The following SCARA5 variants were observed in gnomAD, a reference collection of about 807,000 sequenced individuals.
The protein encoded by SCARA5 is scavenger receptor class A, member 5 (putative).
In SCARA5, 45 loss-of-function variants were observed where a neutral mutation model predicts 46.3. That is an observed-to-expected ratio of 0.97 (90% confidence interval 0.76 to 1.24). The LOEUF (loss-of-function observed/expected upper bound fraction) is 1.24. Among genes scored for constraint, SCARA5 ranks in the 50% most tolerant of loss-of-function variants. SCARA5 has a pLI of 0.00. For missense variants in SCARA5, 680 were observed against 689.0 expected (o/e 0.99, Z 0.15); for synonymous variants, 333 against 306.5 (o/e 1.09, Z -0.90).
intron 3 of SCARA5, among the ~76,000 whole-genome samples, chr8:27,951,086 G>C (rs945078026): frequency 1.3e-5 from 2 of 152,186 alleles, no homozygotes; most frequent in African/African-American, 2.4e-5. Context: ...GGTGCTCAAA[G>C]AGGTTTAGAA....
chr8:27,916,613 C>T (rs1416491663), intron 4 of SCARA5, among the ~76,000 whole-genome samples: 1 of 152,170 alleles, frequency 6.6e-6, no homozygotes, highest in African/African-American at 2.4e-5. Flanking sequence ...TTCTAGTGAC[C>T]TAGCCCTTGT....
intron 3 of SCARA5, among the ~76,000 whole-genome samples, chr8:27,941,632 T>C (rs1331038295): frequency 6.6e-6 from 1 of 151,946 alleles, no homozygotes; most frequent in Non-Finnish European, 1.5e-5. Flanking sequence ...ATCCTTTCCA[T>C]GCACACCCTG....
intron 3 of SCARA5, among the ~76,000 whole-genome samples, chr8:27,942,182 T>C (rs1807957241): frequency 6.6e-6 from 1 of 152,096 alleles, no homozygotes. Context: ...TTTTCCACCA[T>C]TAGCCAGTGA....
chr8:27,907,572 C>CTTTTTTTT (rs144977060), intron 5 of SCARA5, among the ~76,000 whole-genome samples: 3 of 97,276 alleles, frequency 3.1e-5, no homozygotes, highest in African/African-American at 7.9e-5. Context: ...TCAGCAAACA[C>CTTTTTTTT]TTTTTTTTTT....
intron 7 of SCARA5, among the ~76,000 whole-genome samples, chr8:27,885,825 A>G (rs933108089): frequency 6.6e-6 from 1 of 152,240 alleles, no homozygotes; most frequent in African/African-American, 2.4e-5. Flanking sequence ...TGCAATGGGA[A>G]GTCTGGAAAA....
chr8:27,929,357 T>G (rs964543525), intron 3 of SCARA5, among the ~76,000 whole-genome samples: 1 of 151,858 alleles, frequency 6.6e-6, no homozygotes, highest in Non-Finnish European at 1.5e-5. Context: ...ATAGGCTGCC[T>G]TCCCCCAATA....
At chr8:27,877,209 C>G (rs1806738989) in intron 8 of SCARA5, among the ~76,000 whole-genome samples, 1 of 152,182 alleles carries the variant, frequency 6.6e-6, no homozygotes, top group Admixed American at 6.5e-5. Flanking sequence ...CAGGCCCCTA[C>G]AGCCCTCTGT....
intron 6 of SCARA5, among the ~76,000 whole-genome samples, chr8:27,905,167 G>T (rs1267063793): frequency 3.9e-5 from 6 of 152,080 alleles, no homozygotes; most frequent in African/African-American, 1.4e-4. Flanking sequence ...GTTCTAATGA[G>T]CCCAGGGGAA....
At chr8:27,980,105 T>C (rs1450666781) in intron 2 of SCARA5, among the ~76,000 whole-genome samples, 1 of 152,116 alleles carries the variant, frequency 6.6e-6, no homozygotes, top group Non-Finnish European at 1.5e-5. Flanking sequence ...GCTAGAGCGA[T>C]GGTAAATTGC....
chr8:27,891,618 C>G (rs1335336157), intron 7 of SCARA5, among the ~76,000 whole-genome samples: 1 of 152,202 alleles, frequency 6.6e-6, no homozygotes, highest in Non-Finnish European at 1.5e-5. Context: ...TATGTTCCAG[C>G]CAACACCTGA....
intron 5 of SCARA5, among the ~76,000 whole-genome samples, chr8:27,908,355 G>A (rs1430695698): frequency 2.0e-5 from 3 of 152,324 alleles, no homozygotes; most frequent in Non-Finnish European, 2.9e-5. Flanking sequence ...CGGTGCCGGC[G>A]CCATGCAGAG....
At chr8:27,916,735 G>A (rs1031144817) in intron 4 of SCARA5, among the ~76,000 whole-genome samples, 1 of 152,198 alleles carries the variant, frequency 6.6e-6, no homozygotes, top group Non-Finnish European at 1.5e-5. Context: ...AACAGAGACA[G>A]GGAGGCAGGA....
At chr8:27,978,024 G>GTTTT (rs11357387) in intron 2 of SCARA5, among the ~76,000 whole-genome samples, 6 of 106,630 alleles carry the variant, frequency 5.6e-5, no homozygotes, top group Non-Finnish European at 7.6e-5. Flanking sequence ...TGTGTCTTTT[G>GTTTT]TTTTTTTTTT....
chr8:27,968,561 G>A (rs1197892019), intron 2 of SCARA5, among the ~76,000 whole-genome samples: 1 of 152,140 alleles, frequency 6.6e-6, no homozygotes, highest in Non-Finnish European at 1.5e-5. Context: ...TAGCTGTCTG[G>A]TTGCAACTTA....
intron 7 of SCARA5, among the ~76,000 whole-genome samples, chr8:27,880,821 C>CTGGA (rs1022032737): frequency 7.4e-6 from 1 of 134,628 alleles, no homozygotes; most frequent in African/African-American, 2.7e-5. Context: ...TGCCACTGCA[C>CTGGA]TCCAGCATGC....
chr8:27,921,625 G>C lies in SCARA5; in HGVS notation c.862C>G (p.Arg288Gly). ...AMLNAVTEDL[R>G]LKDWEHSIAL... Reference sequence around the variant, plus strand: ...ATGGAGTGCTCCCAGTCCTTGAGGCGCAGGTCCTCGGTGACCGCGTTGAGC... The same window carrying C: ...ATGGAGTGCTCCCAGTCCTTGAGGCCCAGGTCCTCGGTGACCGCGTTGAGC... Residue 288 changes from arginine to glycine, a missense_variant, in exon 4 of 9, where the codon CGC becomes GGC. Around this residue, in one of 3 missense-constraint regions of SCARA5, gnomAD observed 438 missense variants for 384.5 expected, o/e 1.14. Transcript: ENST00000354914. The C allele has an allele frequency of 6.3e-7, 1 of 1,597,582 alleles. No homozygotes were observed. Among genetic ancestry groups the C allele is most frequent in the Non-Finnish European group, 8.5e-7 (1 of 1,170,666 alleles).
chr8:27,966,454 C>T lies in SCARA5; in HGVS notation c.201G>A (p.Leu67=), dbSNP rs1248787547. The change falls in exon 3 of 9, where the codon CTG becomes CTA. Residue 67 remains leucine (L), a synonymous_variant. Coordinates refer to ENST00000354914, the MANE Select transcript of SCARA5 (RefSeq NM_173833.6). ...ALKHAVLGLY[L]LVFLILVGIF... ...TGCCCACAAGAATCAGGAAGACCAG[C>T]AGGTAGAGCCCCAGGACAGCATGCT... 1 of 1,613,462 alleles carries T rather than the reference C, an allele frequency of 6.2e-7. No homozygotes were observed. Among genetic ancestry groups the T allele is most frequent in the Non-Finnish European group, 8.5e-7 (1 of 1,179,776 alleles).
chr8:27,947,092 A>G (rs1447334480), intron 3 of SCARA5, among the ~76,000 whole-genome samples: 1 of 150,456 alleles, frequency 6.6e-6, no homozygotes, highest in Non-Finnish European at 1.5e-5. Flanking sequence ...GATCACTGCA[A>G]CCTCTGCCTC....
rs947332944 is a variant in SCARA5, at chr8:27,966,354, G to A, written c.241+60C>T. The A allele has an allele frequency of 4.0e-6, 6 of 1,515,250 alleles. No individual in the cohort carries two copies. The African/African-American group carries it at 7.0e-5, about 18-fold the overall frequency. The allele number at this position is 1,515,250 out of a possible 1,614,324, so 93.9% of individuals were successfully genotyped here. ...CTCATGACAGTGGGAATGAAGAGTG[G>A]AAGCTCCAGGTCTTCCTTCCTCATC... On this transcript the variant is annotated intron_variant, in intron 3 of 8. Transcript: ENST00000354914.
Sources: gnomAD v4.1 joint callset for allele counts (sites outside exome capture counted in the v4.1 genomes callset) on GRCh38, gnomAD v4.1.1 for gene constraint, gnomAD v4.1.1 regional missense constraint, MANE v1.5 for transcripts, NCBI Gene and HGNC (gene_info 2026-07-23, HGNC 2026-07-21) for gene names.